IRGM: variants seen among roughly 807,000 people sequenced by gnomAD.
The protein encoded by IRGM is immunity-related GTPase family M protein.
For missense variants in IRGM, 288 were observed against 219.9 expected (o/e 1.31, Z -1.96); for synonymous variants, 98 against 80.6 (o/e 1.22, Z -1.16).
At chr5:150,857,125 C>T (rs2113258726) in intron 1 of IRGM, among the ~76,000 whole-genome samples, 1 of 151,746 alleles carries the variant, frequency 6.6e-6, no homozygotes, top group Non-Finnish European at 1.5e-5. Flanking sequence ...TGTTCCCCTT[C>T]CTGTGTCCAT....
intron 1 of IRGM, among the ~76,000 whole-genome samples, chr5:150,864,411 C>T (rs2113268928): frequency 6.6e-6 from 1 of 152,276 alleles, no homozygotes; most frequent in Admixed American, 6.5e-5. Flanking sequence ...AGCTCTTGTT[C>T]CTCTTGTTCC....
At chr5:150,895,120 G>A (rs981734053) in intron 3 of IRGM, 5 of 241,646 alleles carry the variant, frequency 2.1e-5, no homozygotes, top group African/African-American at 6.7e-5. Context: ...TTTCACAATG[G>A]CTGATTATCA....
intron 3 of IRGM, chr5:150,895,454 G>A: frequency 1.2e-6 from 2 of 1,610,464 alleles, no homozygotes; most frequent in South Asian, 1.1e-5. Flanking sequence ...GAATTCTCTG[G>A]TGTACAGTTA....
chr5:150,878,478 C>T (rs1754398332), intron 2 of IRGM, among the ~76,000 whole-genome samples: 1 of 152,104 alleles, frequency 6.6e-6, no homozygotes, highest in African/African-American at 2.4e-5. Context: ...TCTCTTCCAG[C>T]TCCTCCTCCT....
chr5:150,890,419 A>G (rs1038016480), intron 3 of IRGM, among the ~76,000 whole-genome samples: 10 of 149,292 alleles, frequency 6.7e-5, no homozygotes, highest in Admixed American at 2.0e-4. Context: ...TGAGTCTGAC[A>G]TATCTATCTT....
chr5:150,889,310 G>C (rs1460119814), intron 3 of IRGM, among the ~76,000 whole-genome samples: 1 of 151,948 alleles, frequency 6.6e-6, no homozygotes, highest in Admixed American at 6.6e-5. Context: ...CATCTCACAT[G>C]GTGCCAGACA....
intron 3 of IRGM, chr5:150,898,111 G>C: frequency 6.2e-7 from 1 of 1,613,608 alleles, no homozygotes; most frequent in Non-Finnish European, 8.5e-7. Flanking sequence ...AATTTGATAT[G>C]TCTCCCTTTA....
chr5:150,866,673 A>T (rs547172348), intron 1 of IRGM, among the ~76,000 whole-genome samples: 10 of 152,364 alleles, frequency 6.6e-5, no homozygotes, highest in Admixed American at 6.5e-4. Context: ...AAGATATTGT[A>T]ACCCCACCAG....
chr5:150,878,657 C>T (rs963014265), intron 2 of IRGM, among the ~76,000 whole-genome samples: 2 of 151,842 alleles, frequency 1.3e-5, no homozygotes, highest in African/African-American at 4.8e-5. Flanking sequence ...AGGGTATTCC[C>T]AATTCTGAAT....
Position 150,847,926 on chromosome 5 carries a change from C to T in IRGM, c.-198C>T, listed in dbSNP as rs1309980883. ...CAAGCGATTCCCCTGCCTCAGCCTC[C>T]TGTATTAGCTGGGACTACAGGCGCA... On this transcript the variant is annotated 5_prime_UTR_variant, in exon 2 of 2. Transcript: ENST00000522154. 5.4e-6 allele frequency: 3 copies of T among 551,212 alleles called. No homozygotes were observed. The highest frequency in any genetic ancestry group is 1.9e-5 in the African/African-American group (1 of 53,036). The allele number at this position is 551,212 out of a possible 1,614,324, so 34.1% of individuals were successfully genotyped here. A position where few individuals can be genotyped will look rare whatever the true frequency, so the allele number is the denominator to read the frequency against.
At chr5:150,896,238 A>G in intron 3 of IRGM, 5 of 1,613,718 alleles carry the variant, frequency 3.1e-6, no homozygotes, top group Non-Finnish European at 4.2e-6. Flanking sequence ...TTTCTGAGAG[A>G]AGGCTTTTCC....
intron 3 of IRGM, chr5:150,895,993 TC>T (rs1277133794): frequency 6.2e-7 from 1 of 1,613,558 alleles, no homozygotes. Flanking sequence ...CAGAAGGCTT[TC>T]CCACATTCGG....
At chr5:150,861,882 C>G (rs1754141534) in intron 1 of IRGM, among the ~76,000 whole-genome samples, 1 of 152,162 alleles carries the variant, frequency 6.6e-6, no homozygotes, top group Non-Finnish European at 1.5e-5. Flanking sequence ...TACCAGAACC[C>G]TCAAATATGG....
intron 3 of IRGM, among the ~76,000 whole-genome samples, chr5:150,889,621 G>A (rs1305156968): frequency 6.6e-6 from 1 of 151,736 alleles, no homozygotes; most frequent in African/African-American, 2.4e-5. Flanking sequence ...CCAGTATATT[G>A]ATCACTAGAA....
chr5:150,888,465 T>C (rs1754557840), intron 3 of IRGM, among the ~76,000 whole-genome samples: 1 of 152,036 alleles, frequency 6.6e-6, no homozygotes, highest in Non-Finnish European at 1.5e-5. Flanking sequence ...TCTGATAGAA[T>C]GGATCTATAG....
At chr5:150,889,859 C>G (rs1169767499) in intron 3 of IRGM, among the ~76,000 whole-genome samples, 1 of 151,944 alleles carries the variant, frequency 6.6e-6, no homozygotes. Context: ...TTAATCTAAC[C>G]TTGCATTTCT....
intron 1 of IRGM, chr5:150,877,864 G>A: frequency 2.6e-6 from 1 of 384,226 alleles, no homozygotes; most frequent in Non-Finnish European, 5.1e-6. Context: ...TTCCTAGTTT[G>A]CATTTTTGCA....
At chr5:150,847,638 G>C (rs1454212323) in intron 1 of IRGM, 71 bp from the exon 2 acceptor site, 1 of 158,074 alleles carries the variant, frequency 6.3e-6, no homozygotes, top group South Asian at 1.8e-4. Context: ...TTGAGGGCTG[G>C]GGATGCTAAA....
At chr5:150,848,782 G>A (rs1181125562), downstream of IRGM, 6 of 754,854 alleles carry the variant, frequency 7.9e-6, no homozygotes, top group Middle Eastern at 3.8e-4. Flanking sequence ...CAATTTTCGG[G>A]GGCATGTAGA....
Sources: allele counts gnomAD v4.1 joint callset (sites outside exome capture counted in the v4.1 genomes callset), GRCh38; gene constraint gnomAD v4.1.1; transcripts MANE v1.5; gene names NCBI Gene and HGNC (gene_info 2026-07-23, HGNC 2026-07-21).